APBB2: variants seen among roughly 807,000 people sequenced by gnomAD.
APBB2 encodes the protein Fe65-like 1.
APBB2 carries 38 observed loss-of-function variants against 82.5 expected under a neutral mutation model. That is an observed-to-expected ratio of 0.46 (90% CI 0.36 to 0.60). The LOEUF is 0.60. APBB2 is among the 20% of genes least tolerant of loss of function. The probability of loss-of-function intolerance (pLI) is 0.00; values close to 1 mark genes in which losing one functional copy is unlikely to be tolerated. For missense variants in APBB2, 772 were observed against 972.3 expected (o/e 0.79, Z 2.74); for synonymous variants, 341 against 368.2 (o/e 0.93, Z 0.85).
chr4:40,982,221 G>GAAAAGAAAAGAAA, intron 6 of APBB2, among the ~76,000 whole-genome samples: 1 of 12,906 alleles, frequency 7.7e-5, no homozygotes, highest in South Asian at 3.3e-3. Context: ...AGAAAAGAAA[G>GAAAAGAAAAGAAA]GAAAGAAAGA....
intron 16 of APBB2, 102 bp from the exon 17 acceptor site, chr4:40,822,152 A>G: frequency 7.3e-7 from 1 of 1,372,706 alleles, no homozygotes; most frequent in Non-Finnish European, 1.0e-6. Flanking sequence ...GCCAGGCCGA[A>G]TTCAGAAAGG....
chr4:41,028,317 T>C (rs74716877), intron 5 of APBB2, among the ~76,000 whole-genome samples: 6,979 of 152,320 alleles, frequency 0.046, 343 homozygotes, highest in African/African-American at 0.12. Flanking sequence ...AGGGGGCACA[T>C]GGCCAAGGCA....
At chr4:41,096,737 A>G (rs1743588252) in intron 3 of APBB2, among the ~76,000 whole-genome samples, 1 of 152,252 alleles carries the variant, frequency 6.6e-6, no homozygotes, top group Admixed American at 6.5e-5. Context: ...TTTGAAAGGT[A>G]TAGGTCAATA....
At chr4:41,101,458 G>A (rs1371072141) in intron 2 of APBB2, among the ~76,000 whole-genome samples, 16 of 106,546 alleles carry the variant, frequency 1.5e-4, no homozygotes, top group East Asian at 3.2e-4. Flanking sequence ...GCGACAGAGC[G>A]AGACTCCGTC....
intron 12 of APBB2, among the ~76,000 whole-genome samples, chr4:40,850,539 T>A (rs1187430794): frequency 6.6e-6 from 1 of 152,166 alleles, no homozygotes; most frequent in Non-Finnish European, 1.5e-5. Flanking sequence ...GTCCTTCAGA[T>A]CAGGGATCAG....
intron 6 of APBB2, among the ~76,000 whole-genome samples, chr4:40,966,655 G>A (rs1193845566): frequency 6.6e-6 from 1 of 152,208 alleles, no homozygotes; most frequent in African/African-American, 2.4e-5. Flanking sequence ...CAACCTGGAT[G>A]GGCATGTGCG....
chr4:40,915,610 T>A (rs534950075), intron 10 of APBB2, among the ~76,000 whole-genome samples: 1 of 152,276 alleles, frequency 6.6e-6, no homozygotes, highest in South Asian at 2.1e-4. Flanking sequence ...AAATGAAAAG[T>A]CTGCAACTTT....
At chr4:41,035,901 G>A (rs1178858243) in intron 4 of APBB2, among the ~76,000 whole-genome samples, 1 of 152,152 alleles carries the variant, frequency 6.6e-6, no homozygotes, top group Admixed American at 6.5e-5. Context: ...GGCAGGTACA[G>A]CGGCTCATGC....
At chr4:41,045,045 T>C (rs962619458) in intron 4 of APBB2, among the ~76,000 whole-genome samples, 5 of 152,136 alleles carry the variant, frequency 3.3e-5, no homozygotes, top group Non-Finnish European at 7.3e-5. Flanking sequence ...TTTAACTTTT[T>C]CCTCCTTTTC....
chr4:41,157,127 G>A (rs1158072716), intron 1 of APBB2, among the ~76,000 whole-genome samples: 1 of 137,134 alleles, frequency 7.3e-6, no homozygotes, highest in Non-Finnish European at 1.7e-5. Flanking sequence ...AGGGATTAGG[G>A]ATAAAGTGTT....
intron 3 of APBB2, among the ~76,000 whole-genome samples, chr4:41,076,169 C>A (rs1451003148): frequency 6.6e-6 from 1 of 152,142 alleles, no homozygotes; most frequent in Non-Finnish European, 1.5e-5. Flanking sequence ...AAAACATAAA[C>A]GTCTATAGAC....
At chr4:40,834,542 T>C (rs528373402) in intron 12 of APBB2, among the ~76,000 whole-genome samples, 24 of 152,256 alleles carry the variant, frequency 1.6e-4, no homozygotes, top group African/African-American at 5.8e-4. Flanking sequence ...GGGAGAGTCA[T>C]GATCCCTCCC....
intron 1 of APBB2, among the ~76,000 whole-genome samples, chr4:41,203,528 C>G (rs939763134): frequency 3.3e-5 from 5 of 152,126 alleles, no homozygotes; most frequent in African/African-American, 9.7e-5. Context: ...GGTTTTCCCC[C>G]CTGAATTCTG....
chr4:40,827,351 A>C, intron 13 of APBB2, 132 bp from the exon 14 acceptor site: 1 of 666,078 alleles, frequency 1.5e-6, no homozygotes, highest in Non-Finnish European at 2.6e-6. Flanking sequence ...CTGAAGTCCC[A>C]CCCCTGCATC....
chr4:40,992,856 C>G (rs141736644), intron 6 of APBB2, among the ~76,000 whole-genome samples: 5 of 152,114 alleles, frequency 3.3e-5, no homozygotes, highest in Non-Finnish European at 5.9e-5. Flanking sequence ...GGAGATAGGC[C>G]GGCCTGCCAT....
intron 2 of APBB2, among the ~76,000 whole-genome samples, chr4:41,132,233 G>A (rs1048241087): frequency 7.0e-4 from 107 of 151,936 alleles, no homozygotes; most frequent in Admixed American, 6.9e-3. Context: ...GGTAAATCAC[G>A]TCATAGAAAA....
At chr4:40,825,524 C>T (rs1271251352) in intron 15 of APBB2, among the ~76,000 whole-genome samples, 2 of 152,214 alleles carry the variant, frequency 1.3e-5, no homozygotes, top group Non-Finnish European at 1.5e-5. Context: ...TCTCCTGGCC[C>T]GCCAGCTGAC....
chr4:40,820,889 G>A (rs1747662619), intron 17 of APBB2, among the ~76,000 whole-genome samples: 1 of 151,490 alleles, frequency 6.6e-6, no homozygotes, highest in Admixed American at 6.6e-5. Flanking sequence ...TTTTTTTTGA[G>A]ATGGGTTTCC....
chr4:40,996,526 G>A (rs886446593), intron 6 of APBB2, among the ~76,000 whole-genome samples: 2 of 152,146 alleles, frequency 1.3e-5, no homozygotes, highest in African/African-American at 4.8e-5. Flanking sequence ...CTATCTTGAG[G>A]ATGTCAGTCC....
Sources: allele counts gnomAD v4.1 joint callset (sites outside exome capture counted in the v4.1 genomes callset), GRCh38; gene constraint gnomAD v4.1.1; transcripts MANE v1.5; gene names NCBI Gene and HGNC (gene_info 2026-07-23, HGNC 2026-07-21).